CEP135: variants seen among roughly 807,000 people sequenced by gnomAD.
CEP135 encodes the protein centrosomal protein of 135 kDa.
CEP135 carries 142 observed loss-of-function variants against 157.3 expected under a neutral mutation model. That is an observed-to-expected ratio of 0.90 (90% CI 0.79 to 1.04). The LOEUF is 1.04. CEP135 is among the 50% of genes least tolerant of loss of function. The pLI is 0.00. For missense variants in CEP135, 1,317 were observed against 1,309.2 expected (o/e 1.01, Z -0.09); for synonymous variants, 396 against 439.8 (o/e 0.90, Z 1.25).
At chr4:55,993,515 A>G (rs1729864555) in intron 15 of CEP135, among the ~76,000 whole-genome samples, 1 of 152,194 alleles carries the variant, frequency 6.6e-6, no homozygotes, top group Non-Finnish European at 1.5e-5. Context: ...ACTAAAGTAG[A>G]TACTGCTTTT....
intron 24 of CEP135, 72 bp from the exon 25 acceptor site, chr4:56,024,429 T>TA: frequency 9.9e-7 from 1 of 1,013,690 alleles, no homozygotes; most frequent in Non-Finnish European, 1.5e-6. Context: ...TAATAACTCT[T>TA]ATATTTGTTT....
intron 11 of CEP135, among the ~76,000 whole-genome samples, chr4:55,978,213 A>T (rs1319130329): frequency 6.6e-6 from 1 of 152,190 alleles, no homozygotes; most frequent in Non-Finnish European, 1.5e-5. Context: ...ACTGGGTACC[A>T]TACTAGACAC....
At position 56,011,796 on chromosome 4, in the gene CEP135, C is replaced by T. The variant is rs1730592293; in HGVS notation, c.2617-4C>T. The T allele has an allele frequency of 1.5e-5, 23 of 1,565,234 alleles. No individual in the cohort carries two copies. The highest frequency in any genetic ancestry group is 9.2e-5 in the East Asian group (4 of 43,604). ...TAGAAACAATTTTATTGTGATTAAA[C>T]CAGGAAAAAGAAAATCAAGATTTGT... On this transcript the variant is annotated splice_polypyrimidine_tract_variant and splice_region_variant and intron_variant, in intron 20 of 25. Coordinates refer to ENST00000257287, the MANE Select transcript of CEP135 (RefSeq NM_025009.5).
chr4:55,966,829 C>T (rs1308822488), intron 8 of CEP135, among the ~76,000 whole-genome samples: 1 of 152,018 alleles, frequency 6.6e-6, no homozygotes, highest in Non-Finnish European at 1.5e-5. Flanking sequence ...TATGTCCTTG[C>T]ACATTTTTAA....
intron 2 of CEP135, 78 bp from the exon 3 acceptor site, chr4:55,953,007 G>A (rs564396963): frequency 3.0e-5 from 37 of 1,241,070 alleles, no homozygotes; most frequent in Non-Finnish European, 3.8e-5. Flanking sequence ...TGTATTTTAA[G>A]CCTCTTTAGA....
At chr4:56,004,912 G>A (rs541109245) in intron 17 of CEP135, among the ~76,000 whole-genome samples, 3 of 146,900 alleles carry the variant, frequency 2.0e-5, no homozygotes, top group African/African-American at 5.0e-5. Context: ...GATATGTAAG[G>A]ACTTAATGCT....
chr4:56,009,924 T>C, intron 19 of CEP135, 21 bp downstream of exon 19: 2 of 1,603,324 alleles, frequency 1.2e-6, no homozygotes, highest in Non-Finnish European at 1.7e-6. Flanking sequence ...AAGGCATAAA[T>C]TTTGATAGTT....
rs1476496214 is a variant in CEP135, at chr4:56,019,425, A to G, written c.3085A>G (p.Thr1029Ala). Residue 1029 changes from threonine to alanine, a missense_variant, in exon 23 of 26, where the codon ACA (threonine) becomes GCA (alanine). Coordinates refer to ENST00000257287, the MANE Select transcript of CEP135 (RefSeq NM_025009.5). ...LKKQLSNERH[T>A]VKNLESLLAT... ...AAAACAACTTTCAAATGAGAGACAT[A>G]CAGTTAAAAACCTCGAATCATTGTT... 1.1e-5 allele frequency: 18 copies of G among 1,613,900 alleles called. No individual in the cohort carries two copies. In the Admixed American group the frequency reaches 3.0e-4, roughly 27 times the overall value.
chr4:55,968,797 A>G (rs539488843), intron 8 of CEP135, among the ~76,000 whole-genome samples: 1 of 152,276 alleles, frequency 6.6e-6, no homozygotes, highest in African/African-American at 2.4e-5. Context: ...AATTACCCCA[A>G]AATTTAAGGC....
At chr4:55,969,450 A>G (rs984427771) in intron 9 of CEP135, among the ~76,000 whole-genome samples, 6 of 148,198 alleles carry the variant, frequency 4.0e-5, no homozygotes, top group Admixed American at 4.0e-4. Context: ...AAAAAAAAAG[A>G]AAAGAAAATT....
intron 21 of CEP135, among the ~76,000 whole-genome samples, chr4:56,014,999 G>A (rs1000207780): frequency 6.6e-6 from 1 of 152,010 alleles, no homozygotes; most frequent in African/African-American, 2.4e-5. Context: ...CCGAGATCAT[G>A]CCACTGCACT....
chr4:55,996,745 A>G lies in CEP135; in HGVS notation c.2010-2557A>G, dbSNP rs147869740. Among the ~76,000 whole-genome samples, 326 of 152,114 alleles carry G rather than the reference A, an allele frequency of 2.1e-3. 2 individuals are homozygous for G. Among genetic ancestry groups the G allele is most frequent in the African/African-American group, 7.4e-3 (308 of 41,490 alleles). ...TTTTTTTTTCTAATAGGCCATTAAA[A>G]TTCCAAACCCATCTTTCCTTTCTTA... On this transcript the variant is annotated intron_variant, in intron 15 of 25. Coordinates refer to ENST00000257287, the MANE Select transcript of CEP135 (RefSeq NM_025009.5).
intron 22 of CEP135, 22 bp downstream of exon 22, chr4:56,017,879 G>T: frequency 6.3e-7 from 1 of 1,596,714 alleles, no homozygotes; most frequent in South Asian, 1.1e-5. Context: ...AAATTGTCTT[G>T]GCACATTGTT....
intron 7 of CEP135, chr4:55,965,236 A>G (rs926565718): frequency 8.5e-5 from 13 of 152,650 alleles, no homozygotes; most frequent in Admixed American, 7.2e-4. Flanking sequence ...TGTTTGTATT[A>G]TCTTTGAAAT....
Position 56,011,839 on chromosome 4 carries a change from C to G in CEP135, c.2656C>G (p.Leu886Val), listed in dbSNP as rs1730594334. The change falls in exon 21 of 26, where the codon CTT becomes GTT. Residue 886 changes from leucine (L) to valine (V), a missense_variant. Transcript: ENST00000257287. ...AGATTTGTTAGATAGATTTCAGATG[C>G]TTCATAACCGTGCTGAAGACTGGGA... ...NQDLLDRFQM[L>V]HNRAEDWEVK... The G allele has an allele frequency of 6.3e-7, 1 of 1,595,638 alleles. No homozygotes were observed. The highest frequency in any genetic ancestry group is 8.5e-7 in the Non-Finnish European group (1 of 1,174,098).
intron 15 of CEP135, among the ~76,000 whole-genome samples, chr4:55,994,133 C>G (rs1729885012): frequency 6.6e-6 from 1 of 152,186 alleles, no homozygotes; most frequent in Non-Finnish European, 1.5e-5. Context: ...ACCCGGCACT[C>G]TTGGGAAGTA....
In CEP135 at chr4:56,019,564, C is replaced by A; in HGVS notation, c.3215+9C>A. 1 of 1,587,854 alleles carries A rather than the reference C, an allele frequency of 6.3e-7. No individual in the cohort carries two copies. Among genetic ancestry groups the A allele is most frequent in the South Asian group, 1.1e-5 (1 of 87,646 alleles). ...CTTTCTGAAAGCAAATTGTAAGTGT[C>A]TTAAGTCAACTTATGCAAAGACAAT... On this transcript the variant is annotated intron_variant, in intron 23 of 25. Coordinates refer to ENST00000257287, the MANE Select transcript of CEP135 (RefSeq NM_025009.5).
intron 17 of CEP135, among the ~76,000 whole-genome samples, chr4:56,006,115 A>T (rs1366243091): frequency 6.6e-6 from 1 of 152,142 alleles, no homozygotes; most frequent in Non-Finnish European, 1.5e-5. Context: ...ACACCAGGAA[A>T]TTTATCTTTC....
Position 56,011,992 on chromosome 4 carries a change from T to C in CEP135, c.2802+7T>C. The C allele has an allele frequency of 6.9e-7, 1 of 1,455,604 alleles. No homozygotes were observed. The highest frequency in any genetic ancestry group is 9.2e-7 in the Non-Finnish European group (1 of 1,091,546). 90.2% of individuals were successfully genotyped at this position (1,455,604 alleles called of 1,614,324 possible). On this transcript the variant is annotated splice_region_variant and intron_variant, in intron 21 of 25. Coordinates refer to ENST00000257287, the MANE Select transcript of CEP135 (RefSeq NM_025009.5). ...AGAAAAAGAAATTCAAGAGGTAATATATTTATTTGTTTTGTAAAGATGTTA... is the reference window on the plus strand; with the variant it reads ...AGAAAAAGAAATTCAAGAGGTAATACATTTATTTGTTTTGTAAAGATGTTA...
Sources: gnomAD v4.1 joint callset for allele counts (sites outside exome capture counted in the v4.1 genomes callset) on GRCh38, gnomAD v4.1.1 for gene constraint, MANE v1.5 for transcripts, NCBI Gene and HGNC (gene_info 2026-07-23, HGNC 2026-07-21) for gene names.